The following RBMS3 variants were observed in gnomAD, a reference collection of about 807,000 sequenced individuals.
RBMS3 encodes the protein RNA-binding motif, single-stranded-interacting protein 3.
RBMS3 carries 27 observed loss-of-function variants against 66.8 expected under a neutral mutation model. The ratio of observed to expected loss-of-function variants is 0.40; its 90% CI spans 0.30 to 0.56. The LOEUF is 0.56. Among genes scored for constraint, RBMS3 ranks in the 20% least tolerant of loss-of-function variants. RBMS3 has a pLI of 0.40. For synonymous variants in RBMS3, 188 were observed against 183.0 expected (o/e 1.03, Z -0.22); for missense variants, 513 against 549.5 (o/e 0.93, Z 0.66).
intron 6 of RBMS3, among the ~76,000 whole-genome samples, chr3:29,844,743 C>T (rs2058739300): frequency 6.6e-6 from 1 of 152,066 alleles, no homozygotes; most frequent in Admixed American, 6.6e-5. Context: ...TTTATATAAT[C>T]CATGAAATGC....
intron 6 of RBMS3, among the ~76,000 whole-genome samples, chr3:29,769,347 C>G (rs1330766828): frequency 1.3e-5 from 2 of 151,882 alleles, no homozygotes; most frequent in East Asian, 3.9e-4. Context: ...AGAAAATTAT[C>G]AAACAGAAGG....
intron 3 of RBMS3, among the ~76,000 whole-genome samples, chr3:29,512,791 G>A (rs1159918924): frequency 1.3e-5 from 2 of 152,172 alleles, no homozygotes; most frequent in Non-Finnish European, 2.9e-5. Flanking sequence ...TGTGTGCACT[G>A]GGCTTCCAAC....
At chr3:29,991,338 C>G in intron 14 of RBMS3, 129 bp downstream of exon 14, 4 of 1,470,244 alleles carry the variant, frequency 2.7e-6, no homozygotes, top group Non-Finnish European at 3.6e-6. Flanking sequence ...ATTTATTTAG[C>G]TCATGATTAT....
At chr3:29,366,301 G>A (rs116750310) in intron 1 of RBMS3, among the ~76,000 whole-genome samples, 1 of 152,114 alleles carries the variant, frequency 6.6e-6, no homozygotes, top group Non-Finnish European at 1.5e-5. Flanking sequence ...CAAACACATA[G>A]ATCTAGATTG....
intron 11 of RBMS3, among the ~76,000 whole-genome samples, chr3:29,936,772 C>T (rs1469756120): frequency 1.3e-5 from 2 of 152,076 alleles, no homozygotes; most frequent in African/African-American, 4.8e-5. Context: ...TCATCTTTCT[C>T]CTCAGAGAAC....
At chr3:29,411,537 G>A (rs2040265509) in intron 1 of RBMS3, among the ~76,000 whole-genome samples, 1 of 152,116 alleles carries the variant, frequency 6.6e-6, no homozygotes, top group Non-Finnish European at 1.5e-5. Context: ...TTTATTGACA[G>A]GACTTCCAAA....
intron 10 of RBMS3, among the ~76,000 whole-genome samples, chr3:29,901,385 A>T (rs1167501449): frequency 2.0e-5 from 3 of 151,828 alleles, no homozygotes; most frequent in African/African-American, 7.2e-5. Context: ...ACTGAGTTTT[A>T]ACACCATCTC....
chr3:29,749,424 A>C (rs186246791), intron 5 of RBMS3, among the ~76,000 whole-genome samples: 2 of 152,300 alleles, frequency 1.3e-5, no homozygotes, highest in African/African-American at 4.8e-5. Flanking sequence ...TGGCCTGATT[A>C]TTTGTATAAA....
At chr3:29,473,874 C>T (rs1323369247) in intron 2 of RBMS3, among the ~76,000 whole-genome samples, 6 of 152,256 alleles carry the variant, frequency 3.9e-5, no homozygotes, top group African/African-American at 7.2e-5. Flanking sequence ...GGTTCCCGCT[C>T]GCGCCTCTCC....
intron 4 of RBMS3, among the ~76,000 whole-genome samples, chr3:29,635,141 T>TTTATATA (rs1485515859): frequency 6.6e-6 from 1 of 151,952 alleles, no homozygotes; most frequent in Non-Finnish European, 1.5e-5. Context: ...GTTTTATGGC[T>TTTATATA]TTATATATTA....
At chr3:29,319,676 T>C (rs1352137223) in intron 1 of RBMS3, among the ~76,000 whole-genome samples, 1 of 151,962 alleles carries the variant, frequency 6.6e-6, no homozygotes, top group Non-Finnish European at 1.5e-5. Flanking sequence ...AAATATGAAA[T>C]TTGGATTTTT....
chr3:29,535,466 G>A (rs1047698865), intron 3 of RBMS3, among the ~76,000 whole-genome samples: 2 of 152,050 alleles, frequency 1.3e-5, no homozygotes, highest in East Asian at 1.9e-4. Context: ...GCCATCACCA[G>A]TAAATTCATT....
At chr3:29,854,637 CAAAATGGAAAAAGTAAAG>C (rs72166778) in intron 6 of RBMS3, among the ~76,000 whole-genome samples, 40,959 of 151,864 alleles carry the variant, frequency 0.27, 5,998 homozygotes, top group Non-Finnish European at 0.34. Flanking sequence ...CGAGATAATC[CAAAATGGAAAAAGTAAAG>C]AATGGTTTTA....
At chr3:29,853,096 G>A (rs1311398461) in intron 6 of RBMS3, among the ~76,000 whole-genome samples, 2 of 152,066 alleles carry the variant, frequency 1.3e-5, no homozygotes, top group Non-Finnish European at 2.9e-5. Context: ...CTTATAAGTG[G>A]GGGCTAAATG....
chr3:29,356,602 A>T (rs903442618), intron 1 of RBMS3, among the ~76,000 whole-genome samples: 1 of 152,212 alleles, frequency 6.6e-6, no homozygotes, highest in Non-Finnish European at 1.5e-5. Flanking sequence ...TGAAAATAGC[A>T]TAGCCACTGT....
intron 10 of RBMS3, among the ~76,000 whole-genome samples, chr3:29,928,622 A>G (rs2061018060): frequency 6.6e-6 from 1 of 152,138 alleles, no homozygotes; most frequent in Non-Finnish European, 1.5e-5. Flanking sequence ...CACATTATCT[A>G]CACCACAACA....
chr3:29,402,378 G>A (rs2039848476), intron 1 of RBMS3, among the ~76,000 whole-genome samples: 1 of 151,898 alleles, frequency 6.6e-6, no homozygotes, highest in African/African-American at 2.4e-5. Context: ...ATATTTTAAG[G>A]GATTGTGTCT....
At chr3:29,320,857 T>A (rs1236676936) in intron 1 of RBMS3, among the ~76,000 whole-genome samples, 1 of 151,948 alleles carries the variant, frequency 6.6e-6, no homozygotes, top group East Asian at 1.9e-4. Context: ...GTGTCATATT[T>A]AAAAGAATAA....
intron 4 of RBMS3, among the ~76,000 whole-genome samples, chr3:29,696,570 A>T (rs2052287248): frequency 6.6e-6 from 1 of 152,194 alleles, no homozygotes; most frequent in African/African-American, 2.4e-5. Flanking sequence ...CTCATAGATG[A>T]CTGCTGGCTC....
Sources: gnomAD v4.1 joint callset for allele counts (sites outside exome capture counted in the v4.1 genomes callset) on GRCh38, gnomAD v4.1.1 for gene constraint, MANE v1.5 for transcripts, NCBI Gene and HGNC (gene_info 2026-07-23, HGNC 2026-07-21) for gene names.